The following VPS13D variants were observed in gnomAD, a reference collection of about 807,000 sequenced individuals.
VPS13D encodes the protein vacuolar protein sorting 13 homolog D.
A neutral mutation model predicts 461.9 loss-of-function variants in VPS13D; 187 were observed. The ratio of observed to expected loss-of-function variants is 0.40; its 90% CI spans 0.36 to 0.46. VPS13D has a LOEUF of 0.46. Among genes scored for constraint, VPS13D ranks in the 20% least tolerant of loss-of-function variants. VPS13D has a pLI of 0.60. For synonymous variants in VPS13D, 1,951 were observed against 1,986.3 expected, an observed-to-expected ratio of 0.98 and a Z score of 0.47; for missense variants, 4,711 against 5,364.9, an observed-to-expected ratio of 0.88 and a Z score of 3.81.
intron 23 of VPS13D, 25 bp from the exon 24 acceptor site, chr1:12,293,499 G>C: frequency 6.4e-7 from 1 of 1,562,842 alleles, no homozygotes; most frequent in Non-Finnish European, 8.7e-7. Flanking sequence ...TGTTATCTGA[G>C]TCACACTTTT....
At chr1:12,386,588 C>T (rs2101655836) in intron 60 of VPS13D, among the ~76,000 whole-genome samples, 2 of 152,320 alleles carry the variant, frequency 1.3e-5, no homozygotes, top group Middle Eastern at 6.8e-3. Context: ...GGTTCACCAT[C>T]TTGCCAATAG....
At chr1:12,371,719 A>AT (rs1467654333) in intron 54 of VPS13D, among the ~76,000 whole-genome samples, 1 of 151,930 alleles carries the variant, frequency 6.6e-6, no homozygotes. Flanking sequence ...AGTACCCAGT[A>AT]TTTTTTGTGG....
intron 65 of VPS13D, among the ~76,000 whole-genome samples, chr1:12,438,309 C>T (rs933875441): frequency 2.0e-5 from 3 of 152,146 alleles, no homozygotes; most frequent in African/African-American, 7.2e-5. Context: ...CACCCTTCTA[C>T]CGTGTGAGGT....
At chr1:12,352,010 T>G (rs1643807279) in intron 46 of VPS13D, among the ~76,000 whole-genome samples, 1 of 150,028 alleles carries the variant, frequency 6.7e-6, no homozygotes, top group South Asian at 2.1e-4. Context: ...TAAAAGAAAG[T>G]CAAGTGCAGT....
At chr1:12,439,628 T>C (rs1165566072) in intron 65 of VPS13D, among the ~76,000 whole-genome samples, 3 of 152,216 alleles carry the variant, frequency 2.0e-5, no homozygotes, top group Non-Finnish European at 4.4e-5. Context: ...GTCCATAGTA[T>C]ATGTAAATCT....
At chr1:12,384,335 C>G (rs1295662776) in intron 58 of VPS13D, among the ~76,000 whole-genome samples, 2 of 152,128 alleles carry the variant, frequency 1.3e-5, no homozygotes, top group Non-Finnish European at 2.9e-5. Context: ...TTGGGCAACT[C>G]ACAGGATGAT....
At chr1:12,259,440 T>C (rs557010122) in intron 10 of VPS13D, among the ~76,000 whole-genome samples, 1 of 151,944 alleles carries the variant, frequency 6.6e-6, no homozygotes, top group East Asian at 1.9e-4. Context: ...CTCAGCCTCC[T>C]GAGTAGCTGC....
intron 2 of VPS13D, among the ~76,000 whole-genome samples, chr1:12,235,591 A>G (rs944745206): frequency 6.6e-6 from 1 of 151,958 alleles, no homozygotes; most frequent in African/African-American, 2.4e-5. Context: ...ATAAAAAATA[A>G]AAAAAAAGTG....
In VPS13D at chr1:12,495,035, C is replaced by G. The variant is rs186728152; in HGVS notation, c.12663-2465C>G. On this transcript the variant is annotated intron_variant, in intron 67 of 69. Transcript: ENST00000620676. This position sits in a 1 kb window ranked among gnomAD's most constrained non-coding sequence, Gnocchi z 4.0. The stretch of plus-strand genomic sequence containing the variant: ...GAATGCAGTGAATGAAACAAATTCC[C>G]CCTCTCCTGGAGCTTCCAGTCCACA... Among the ~76,000 whole-genome samples the G allele has an allele frequency of 1.7e-4, 26 of 152,348 alleles. No individual in the cohort carries two copies. The East Asian group carries it at 5.0e-3, about 29-fold the overall frequency.
In VPS13D at chr1:12,343,231, G is replaced by A. The variant is rs184647305; in HGVS notation, c.8885+180G>A. On this transcript the variant is annotated intron_variant, in intron 42 of 69. Coordinates refer to ENST00000620676, the MANE Select transcript of VPS13D (RefSeq NM_015378.4). ...GCTCTGTTGCCCAGGCTGGAGTGCA[G>A]TGGCACGATCTCAGCTCACTGCAGC... 1.4e-3 allele frequency among the ~76,000 whole-genome samples: 209 copies of A among 151,644 alleles called. 4 individuals carry two copies. The highest frequency in any genetic ancestry group is 4.9e-3 in the African/African-American group (203 of 41,402).
intron 37 of VPS13D, among the ~76,000 whole-genome samples, chr1:12,332,185 C>A (rs929850392): frequency 7.2e-5 from 11 of 152,220 alleles, no homozygotes; most frequent in Admixed American, 5.2e-4. Context: ...AACAACCCCG[C>A]AATGTGTTGC....
chr1:12,415,196 A>G lies in VPS13D; in HGVS notation c.12140A>G (p.Asn4047Ser), dbSNP rs138906978. 705 of 1,614,112 alleles carry G rather than the reference A, an allele frequency of 4.4e-4. 2 individuals are homozygous for G. Among genetic ancestry groups the G allele is most frequent in the African/African-American group, 1.5e-3 (109 of 75,028 alleles). ...TATGAGACCAAGGAGTTCATCATCA[A>G]TGATATCCTCAAACATTTCCAGGAG... ...HPYETKEFIINDILKHFQEEL... is the reference protein window; with the variant it reads ...HPYETKEFIISDILKHFQEEL... The change falls in exon 64 of 70, where the codon AAT becomes AGT. Residue 4047 changes from asparagine to serine, a missense_variant. By Grantham distance (46) the Asn-to-Ser change is conservative. Coordinates refer to ENST00000620676, the MANE Select transcript of VPS13D (RefSeq NM_015378.4).
At chr1:12,504,076 G>T (rs1646071687) in intron 68 of VPS13D, among the ~76,000 whole-genome samples, 2 of 152,040 alleles carry the variant, frequency 1.3e-5, no homozygotes, top group African/African-American at 2.4e-5. Flanking sequence ...TTGATATGAG[G>T]CTCCATTAGA....
chr1:12,510,989 A>G lies in VPS13D; in HGVS notation c.*1965A>G, dbSNP rs528272172. ...GAGCCTTCTATCACCTTCTGGAACA[A>G]AGTCACTTGAAATCTCTTGATGAGA... On this transcript the variant is annotated 3_prime_UTR_variant, in exon 70 of 70. Transcript: ENST00000620676. 6.6e-6 allele frequency: 1 copy of G among 152,240 alleles called. No individual in the cohort carries two copies. The highest frequency in any genetic ancestry group is 1.9e-4 in the East Asian group (1 of 5,182). The allele number at this position is 152,240 out of a possible 1,614,324, so 9.4% of individuals were successfully genotyped here. A position where few individuals can be genotyped will look rare whatever the true frequency, so the allele number is the denominator to read the frequency against.
intron 63 of VPS13D, among the ~76,000 whole-genome samples, chr1:12,404,506 C>T (rs941506233): frequency 1.3e-5 from 2 of 152,196 alleles, no homozygotes; most frequent in Admixed American, 6.5e-5. Flanking sequence ...TCTCTACCAC[C>T]ACATCAGGAT....
At chr1:12,318,708 CTCAGTT>C (rs1329807117) in intron 31 of VPS13D, among the ~76,000 whole-genome samples, 6 of 152,176 alleles carry the variant, frequency 3.9e-5, no homozygotes, top group African/African-American at 1.4e-4. Context: ...ATGTGAAAAC[CTCAGTT>C]TTGAAGATAA....
In VPS13D at chr1:12,327,893, T is replaced by G. The variant is rs764542799; in HGVS notation, c.8197+39T>G. The G allele has an allele frequency of 5.6e-6, 9 of 1,598,600 alleles. No individual in the cohort carries two copies. The East Asian group carries it at 2.0e-4, about 36-fold the overall frequency. On this transcript the variant is annotated intron_variant, in intron 36 of 69. Coordinates refer to ENST00000620676, the MANE Select transcript of VPS13D (RefSeq NM_015378.4). Reference sequence around the variant, plus strand: ...TGGTTTTCAGATTCATCTTGAATATTTCCAGTCATTGCTGAATTATTTGGG... The same window carrying G: ...TGGTTTTCAGATTCATCTTGAATATGTCCAGTCATTGCTGAATTATTTGGG...
chr1:12,488,304 A>G (rs1481663680), intron 67 of VPS13D, among the ~76,000 whole-genome samples: 5 of 152,244 alleles, frequency 3.3e-5, no homozygotes, highest in Admixed American at 3.3e-4. Context: ...CACATTCTTC[A>G]TATTTTATCT....
At chr1:12,244,860 A>G (rs1640496830) in intron 5 of VPS13D, among the ~76,000 whole-genome samples, 1 of 152,144 alleles carries the variant, frequency 6.6e-6, no homozygotes, top group South Asian at 2.1e-4. Flanking sequence ...GAGTTTTCAC[A>G]TCTCTTCCAT....
Sources: gnomAD v4.1 joint callset for allele counts (sites outside exome capture counted in the v4.1 genomes callset) on GRCh38, gnomAD v4.1.1 for gene constraint, Gnocchi (gnomAD v3.1) non-coding constraint, MANE v1.5 for transcripts, NCBI Gene and HGNC (gene_info 2026-07-23, HGNC 2026-07-21) for gene names.